HINT1: variants seen among roughly 807,000 people sequenced by gnomAD.
The protein encoded by HINT1 is histidine triad nucleotide binding protein 1, also known as adenosine 5'-monophosphoramidase HINT1.
HINT1 carries 12 observed loss-of-function variants against 11.2 expected under a neutral mutation model. The observed-to-expected ratio is 1.07, with a 90% CI of 0.69 to 1.74. The LOEUF is 1.74. Among genes scored for constraint, HINT1 ranks in the 40% most tolerant of loss-of-function variants. The probability of loss-of-function intolerance (pLI) is 0.00; values close to 1 mark genes in which losing one functional copy is unlikely to be tolerated. For missense variants in HINT1, 150 were observed against 161.8 expected (o/e 0.93, Z 0.40); for synonymous variants, 42 against 52.6 (o/e 0.80, Z 0.87).
chr5:131,164,914 G>C (rs1755355592), intron 1 of HINT1, 181 bp downstream of exon 1: 15 of 765,694 alleles, frequency 2.0e-5, no homozygotes, highest in East Asian at 3.3e-5. Context: ...GGCACGCGCC[G>C]GCAGGCCGCC....
chr5:131,162,988 C>A lies in HINT1; in HGVS notation c.112-312G>T, dbSNP rs113503971. ...AAGTAGCTGGGATTACAGGCACGTG[C>A]CATCATGCCCAGCTAATTTTTGTGT... is the stretch of plus-strand genomic sequence containing the variant. On this transcript the variant is annotated intron_variant, in intron 1 of 2. Transcript: ENST00000304043. Among the ~76,000 whole-genome samples the A allele has an allele frequency of 0.018, 2,790 of 152,196 alleles. 82 individuals carry two copies. The highest frequency in any genetic ancestry group is 0.06 in the African/African-American group (2,475 of 41,500).
At chr5:131,161,168 G>A (rs973047877) in intron 2 of HINT1, among the ~76,000 whole-genome samples, 1 of 152,160 alleles carries the variant, frequency 6.6e-6, no homozygotes. Flanking sequence ...CTAAGTAAAA[G>A]AGATGACCTT....
intron 2 of HINT1, among the ~76,000 whole-genome samples, chr5:131,160,329 T>C (rs1489601831): frequency 6.6e-6 from 1 of 152,212 alleles, no homozygotes; most frequent in Non-Finnish European, 1.5e-5. Flanking sequence ...TCTCGCTCTG[T>C]GTCATCCTGT....
chr5:131,164,996 C>T (rs1755358836), intron 1 of HINT1, 99 bp downstream of exon 1: 1 of 1,544,050 alleles, frequency 6.5e-7, no homozygotes, highest in Non-Finnish European at 8.8e-7. Flanking sequence ...CTCCCGTCGC[C>T]GCTACACTCG....
At chr5:131,165,033 A>G (rs1481786992) in intron 1 of HINT1, 62 bp downstream of exon 1, 1 of 1,607,312 alleles carries the variant, frequency 6.2e-7, no homozygotes, top group Non-Finnish European at 8.5e-7. Context: ...TCCGCGAGAA[A>G]CCCGAGGATC....
intron 2 of HINT1, chr5:131,160,596 G>C (rs1755224937): frequency 2.2e-6 from 1 of 452,326 alleles, no homozygotes; most frequent in Non-Finnish European, 3.0e-6. Flanking sequence ...GGAAGGGAGA[G>C]AGTCTTACAT....
At chr5:131,162,965 G>A (rs1285335633) in intron 1 of HINT1, among the ~76,000 whole-genome samples, 1 of 152,070 alleles carries the variant, frequency 6.6e-6, no homozygotes, top group African/African-American at 2.4e-5. Context: ...GGCCTCCCAA[G>A]TAGCTGGGAT....
At position 131,164,722 on chromosome 5, in the gene HINT1, G is replaced by A. The variant is rs182862931; in HGVS notation, c.111+373C>T. 4.5e-3 allele frequency among the ~76,000 whole-genome samples: 685 copies of A among 152,318 alleles called. 10 individuals are homozygous for A. Among genetic ancestry groups the A allele is most frequent in the African/African-American group, 0.016 (647 of 41,586 alleles). ...CGATCGGGTTTCTCTCTGTCAGGCA[G>A]AGCGCTGGCGAGATTTCGAGATTCC... On this transcript the variant is annotated intron_variant, in intron 1 of 2. Transcript: ENST00000304043.
Position 131,159,158 on chromosome 5 carries a change from T to C in HINT1, c.*289A>G, listed in dbSNP as rs567294956. On this transcript the variant is annotated 3_prime_UTR_variant, in exon 3 of 3. Coordinates refer to ENST00000304043, the MANE Select transcript of HINT1 (RefSeq NM_005340.7). The stretch of plus-strand genomic sequence containing the variant: ...AAGACTAGTAACACCATTAAAACAA[T>C]GCGATGTTCATATGTTGAGTCCTCC... 1 of 252,026 alleles carries C rather than the reference T, an allele frequency of 4.0e-6. No homozygotes were observed. Among genetic ancestry groups the C allele is most frequent in the East Asian group, 7.6e-5 (1 of 13,242 alleles). The allele number at this position is 252,026 out of a possible 1,614,324, so 15.6% of individuals were successfully genotyped here.
chr5:131,161,575 A>C (rs527687364), intron 2 of HINT1, among the ~76,000 whole-genome samples: 30 of 151,736 alleles, frequency 2.0e-4, no homozygotes, highest in Non-Finnish European at 3.7e-4. Flanking sequence ...AGCCTGGGCA[A>C]CAAGAACGAA....
intron 2 of HINT1, among the ~76,000 whole-genome samples, chr5:131,160,184 G>GT (rs34288966): frequency 6.6e-6 from 1 of 152,028 alleles, no homozygotes. Flanking sequence ...TCCAAGTGCT[G>GT]TTTTAAGTTT....
At chr5:131,164,315 C>A (rs935569740) in intron 1 of HINT1, among the ~76,000 whole-genome samples, 1 of 152,176 alleles carries the variant, frequency 6.6e-6, no homozygotes, top group Non-Finnish European at 1.5e-5. Context: ...AAGAAGTCAA[C>A]AAAAACTACA....
intron 2 of HINT1, chr5:131,160,680 G>T: frequency 4.1e-6 from 5 of 1,233,086 alleles, no homozygotes; most frequent in African/African-American, 1.5e-5. Flanking sequence ...AAGGTCCATT[G>T]TACAGATGGA....
In HINT1 at chr5:131,162,682, G is replaced by A; in HGVS notation, c.112-6C>T. On this transcript the variant is annotated splice_region_variant and splice_polypyrimidine_tract_variant and intron_variant, in intron 1 of 2. Coordinates refer to ENST00000304043, the MANE Select transcript of HINT1 (RefSeq NM_005340.7). The stretch of plus-strand genomic sequence containing the variant: ...ATGTCATGGAAAGCAAGGCACTAGG[G>A]AAAAGAGAAATAAATAAATAAATCA... 1.9e-6 allele frequency: 3 copies of A among 1,545,602 alleles called. No individual in the cohort carries two copies. Among genetic ancestry groups the A allele is most frequent in the Non-Finnish European group, 2.7e-6 (3 of 1,124,820 alleles).
intron 1 of HINT1, 92 bp downstream of exon 1, chr5:131,165,003 C>G (rs1293899994): frequency 1.9e-6 from 3 of 1,568,732 alleles, no homozygotes; most frequent in Admixed American, 1.8e-5. Flanking sequence ...CGCCGCTACA[C>G]TCGCGACCCC....
intron 2 of HINT1, among the ~76,000 whole-genome samples, chr5:131,161,455 A>G (rs1331135568): frequency 6.6e-6 from 1 of 152,058 alleles, no homozygotes; most frequent in Non-Finnish European, 1.5e-5. Context: ...AATACAAATA[A>G]GCCAGGCGTG....
intron 2 of HINT1, among the ~76,000 whole-genome samples, chr5:131,161,257 G>C (rs1472071839): frequency 6.6e-6 from 1 of 152,170 alleles, no homozygotes; most frequent in Non-Finnish European, 1.5e-5. Context: ...ATTTGAGTAA[G>C]AAGCTCTGAC....
intron 1 of HINT1, among the ~76,000 whole-genome samples, chr5:131,164,550 A>C (rs2149654349): frequency 6.6e-6 from 1 of 152,304 alleles, no homozygotes; most frequent in East Asian, 1.9e-4. Flanking sequence ...CCGCGGAGGA[A>C]GCCGGCAGGC....
At chr5:131,159,972 C>T (rs1426596273) in intron 2 of HINT1, among the ~76,000 whole-genome samples, 1 of 152,092 alleles carries the variant, frequency 6.6e-6, no homozygotes, top group African/African-American at 2.4e-5. Context: ...CTGCCTCACC[C>T]ACCCAAGGAG....
Sources: gnomAD v4.1 joint callset for allele counts (sites outside exome capture counted in the v4.1 genomes callset) on GRCh38, gnomAD v4.1.1 for gene constraint, MANE v1.5 for transcripts, NCBI Gene and HGNC (gene_info 2026-07-23, HGNC 2026-07-21) for gene names.